The following FAM168A variants were observed in gnomAD, a reference collection of about 807,000 sequenced individuals.
FAM168A encodes the protein family with sequence similarity 168 member A.
FAM168A carries 3 observed loss-of-function variants against 28.5 expected under a neutral mutation model. The ratio of observed to expected loss-of-function variants is 0.11; its 90% confidence interval spans 0.05 to 0.27. The LOEUF (loss-of-function observed/expected upper bound fraction) is 0.27, where lower values mean the gene tolerates loss of function less well. Ranked by LOEUF, FAM168A falls within the 10% of genes least tolerant of loss-of-function variation. The pLI, the probability that FAM168A is intolerant of heterozygous loss-of-function variation, is 1.00. For missense variants in FAM168A, 222 were observed against 311.5 expected, an observed-to-expected ratio of 0.71 and a Z score of 2.16; for synonymous variants, 122 against 124.2, an observed-to-expected ratio of 0.98 and a Z score of 0.12.
intron 4 of FAM168A, 32 bp downstream of exon 4, chr11:73,419,842 G>A: frequency 1.9e-6 from 3 of 1,612,020 alleles, no homozygotes; most frequent in Non-Finnish European, 2.5e-6. Context: ...CCCAACCAAG[G>A]GGAACAAGGA....
At chr11:73,591,624 C>T (rs551323777) in intron 1 of FAM168A, among the ~76,000 whole-genome samples, 1 of 152,316 alleles carries the variant, frequency 6.6e-6, no homozygotes, top group African/African-American at 2.4e-5. Context: ...ATCCTCCCAC[C>T]TCAGCCTCCA....
At chr11:73,543,262 C>CTTTT (rs58715872) in intron 1 of FAM168A, among the ~76,000 whole-genome samples, 316 of 111,642 alleles carry the variant, frequency 2.8e-3, no homozygotes, top group Non-Finnish European at 3.6e-3. Context: ...ATTAATTGTT[C>CTTTT]TTTTTTTTTT....
At chr11:73,597,407 C>CCCCAAATT (rs1222117204) in intron 1 of FAM168A, among the ~76,000 whole-genome samples, 1 of 152,024 alleles carries the variant, frequency 6.6e-6, no homozygotes, top group East Asian at 1.9e-4. Context: ...CCCAGGTCCA[C>CCCCAAATT]CCCAAATTCC....
At chr11:73,497,342 G>A (rs1424043988) in intron 1 of FAM168A, among the ~76,000 whole-genome samples, 5 of 152,050 alleles carry the variant, frequency 3.3e-5, no homozygotes, top group African/African-American at 1.2e-4. Flanking sequence ...GCGCGCGCCT[G>A]TAGTCTCAGC....
chr11:73,586,519 G>GCCTA (rs1469007504), intron 1 of FAM168A, among the ~76,000 whole-genome samples: 1 of 152,146 alleles, frequency 6.6e-6, no homozygotes, highest in Non-Finnish European at 1.5e-5. Context: ...AGATAAGAGG[G>GCCTA]CCTAGCACAA....
At chr11:73,419,532 G>C (rs568037657) in intron 4 of FAM168A, among the ~76,000 whole-genome samples, 7 of 152,080 alleles carry the variant, frequency 4.6e-5, no homozygotes, top group South Asian at 4.2e-4. Flanking sequence ...TGTGCTAGAG[G>C]GGGGAGCCCT....
intron 5 of FAM168A, among the ~76,000 whole-genome samples, chr11:73,411,069 G>A (rs1442705431): frequency 1.3e-5 from 2 of 152,186 alleles, no homozygotes; most frequent in Non-Finnish European, 2.9e-5. Context: ...GTGTAACCTT[G>A]GACAAGTCAT....
At chr11:73,596,197 T>C (rs1321697088) in intron 1 of FAM168A, among the ~76,000 whole-genome samples, 1 of 152,210 alleles carries the variant, frequency 6.6e-6, no homozygotes, top group Admixed American at 6.5e-5. Context: ...CACTCATTAG[T>C]TCTCAAGCAA....
At chr11:73,499,894 G>A (rs1167103263) in intron 1 of FAM168A, among the ~76,000 whole-genome samples, 2 of 152,082 alleles carry the variant, frequency 1.3e-5, no homozygotes, top group Admixed American at 6.6e-5. Flanking sequence ...CCAAACCTAC[G>A]GTTGACTGGA....
chr11:73,446,119 T>C (rs762855531), intron 2 of FAM168A, among the ~76,000 whole-genome samples: 2 of 152,236 alleles, frequency 1.3e-5, no homozygotes, highest in Admixed American at 1.3e-4. Flanking sequence ...CTCTGTGGGA[T>C]TGAATTAGAA....
At chr11:73,538,329 CAAAACAA>C (rs1281295218) in intron 1 of FAM168A, among the ~76,000 whole-genome samples, 1 of 128,562 alleles carries the variant, frequency 7.8e-6, no homozygotes, top group East Asian at 2.0e-4. Context: ...ATGCAGGTTC[CAAAACAA>C]AAAACAAAAA....
At chr11:73,410,026 A>G (rs765851169) in intron 5 of FAM168A, among the ~76,000 whole-genome samples, 1 of 152,182 alleles carries the variant, frequency 6.6e-6, no homozygotes, top group Non-Finnish European at 1.5e-5. Context: ...AGGGCTGGTA[A>G]ACTCCAGAAC....
rs558227123 is a variant in FAM168A at position 73,570,710 on chromosome 11, G to A, written c.-19+27213C>T. ...GATCACGTCACTGTACTCCAGCCTGGGTGACAGAGTGAGATACTGTCTCAA... is the reference window on the plus strand; with the variant it reads ...GATCACGTCACTGTACTCCAGCCTGAGTGACAGAGTGAGATACTGTCTCAA... On this transcript the variant is annotated intron_variant, in intron 1 of 7. Coordinates refer to ENST00000356467, the MANE Select transcript of FAM168A (RefSeq NM_015159.3). 4.6e-5 allele frequency among the ~76,000 whole-genome samples: 7 copies of A among 150,998 alleles called. No individual in the cohort carries two copies. In the South Asian group the frequency reaches 1.5e-3, roughly 32 times the overall value.
At chr11:73,468,832 T>C (rs1867774752) in intron 1 of FAM168A, among the ~76,000 whole-genome samples, 1 of 152,244 alleles carries the variant, frequency 6.6e-6, no homozygotes, top group African/African-American at 2.4e-5. Context: ...CTGTCTGGAC[T>C]TCAATGTCCT....
intron 6 of FAM168A, 94 bp from the exon 7 acceptor site, chr11:73,407,737 C>T: frequency 5.8e-6 from 6 of 1,031,564 alleles, no homozygotes; most frequent in Non-Finnish European, 8.7e-6. Flanking sequence ...TGGCTGCTCC[C>T]TCTGCCCAAA....
At chr11:73,500,144 G>A (rs1854976784) in intron 1 of FAM168A, among the ~76,000 whole-genome samples, 1 of 152,102 alleles carries the variant, frequency 6.6e-6, no homozygotes, top group Non-Finnish European at 1.5e-5. Context: ...CACCTACAAA[G>A]GGAAGCCCAT....
At position 73,481,289 on chromosome 11, in the gene FAM168A, T is replaced by A. The variant is rs1442937951; in HGVS notation, c.-18-12797A>T. Among the ~76,000 whole-genome samples, 4 of 152,340 alleles carry A rather than the reference T, an allele frequency of 2.6e-5. No homozygotes were observed. In the East Asian group the frequency reaches 7.7e-4, roughly 29 times the overall value. On this transcript the variant is annotated intron_variant, in intron 1 of 7. Transcript: ENST00000356467. ...CTTTCTCTGGGATGTTTCTGTAACA[T>A]TTATCACACTATAATTGTATCCCAT...
In FAM168A at chr11:73,537,658, C is replaced by T. The variant is rs551259483; in HGVS notation, c.-19+60265G>A. Among the ~76,000 whole-genome samples, 207 of 152,264 alleles carry T rather than the reference C, an allele frequency of 1.4e-3. 1 individual carries two copies. The South Asian group carries it at 0.015, about 11-fold the overall frequency. ...GACTACCAGAGACATTCTAATGGTC[C>T]CCCTAAGGAAATCAGCAGCTCAAGG... On this transcript the variant is annotated intron_variant, in intron 1 of 7. Transcript: ENST00000356467.
At chr11:73,495,350 T>C (rs1360815806) in intron 1 of FAM168A, among the ~76,000 whole-genome samples, 1 of 152,056 alleles carries the variant, frequency 6.6e-6, no homozygotes, top group Non-Finnish European at 1.5e-5. Flanking sequence ...AATAAATAAA[T>C]AAATAAAATC....
Sources: gnomAD v4.1 joint callset for allele counts (sites outside exome capture counted in the v4.1 genomes callset) on GRCh38, gnomAD v4.1.1 for gene constraint, MANE v1.5 for transcripts, NCBI Gene and HGNC (gene_info 2026-07-23, HGNC 2026-07-21) for gene names.